FRRS1: variants seen among roughly 807,000 people sequenced by gnomAD.
FRRS1 encodes ferric reductase 1.
In FRRS1, 51 loss-of-function variants were observed where a neutral mutation model predicts 70.7. That is an observed-to-expected ratio of 0.72 (90% CI 0.58 to 0.91). The LOEUF (loss-of-function observed/expected upper bound fraction) is 0.91. FRRS1 is among the 40% of genes least tolerant of loss of function. FRRS1 has a pLI of 0.00. For synonymous variants in FRRS1, 225 were observed against 238.7 expected, an observed-to-expected ratio of 0.94 and a Z score of 0.53; for missense variants, 672 against 726.0, an observed-to-expected ratio of 0.93 and a Z score of 0.86.
In FRRS1 at chr1:99,717,406, C is replaced by G; in HGVS notation, c.1236+4G>C. 2 of 1,603,120 alleles carry G rather than the reference C, an allele frequency of 1.2e-6. No homozygotes were observed. Among genetic ancestry groups the G allele is most frequent in the Non-Finnish European group, 1.7e-6 (2 of 1,170,366 alleles). On this transcript the variant is annotated splice_donor_region_variant and intron_variant, in intron 11 of 16. Coordinates refer to ENST00000646001, the MANE Select transcript of FRRS1 (RefSeq NM_001361041.2). ...ATTGCATTGAACTTTTTTCCCTCACCTACCTGAAACCAAGCTGCTTCACCA... is the reference window on the plus strand; with the variant it reads ...ATTGCATTGAACTTTTTTCCCTCACGTACCTGAAACCAAGCTGCTTCACCA...
chr1:99,751,097 C>G (rs1018741509), intron 1 of FRRS1, among the ~76,000 whole-genome samples: 4 of 152,132 alleles, frequency 2.6e-5, no homozygotes, highest in Admixed American at 1.3e-4. Context: ...AATAAAAAAG[C>G]AGAGGAAGAG....
intron 1 of FRRS1, among the ~76,000 whole-genome samples, chr1:99,754,719 G>A (rs980852646): frequency 2.0e-5 from 3 of 152,186 alleles, no homozygotes; most frequent in African/African-American, 7.2e-5. Flanking sequence ...ATAAATTTAA[G>A]AGAATAAATT....
intron 9 of FRRS1, among the ~76,000 whole-genome samples, chr1:99,727,448 C>CA (rs1242261936): frequency 2.0e-5 from 3 of 151,562 alleles, no homozygotes; most frequent in Admixed American, 6.6e-5. Context: ...CTTCCTTCAG[C>CA]AAAAAAAATA....
At chr1:99,716,335 A>G (rs1206644789) in intron 11 of FRRS1, among the ~76,000 whole-genome samples, 3 of 152,212 alleles carry the variant, frequency 2.0e-5, no homozygotes, top group African/African-American at 7.2e-5. Flanking sequence ...AAACTATGAC[A>G]TGTATGTACA....
chr1:99,728,419 T>C, intron 9 of FRRS1, 74 bp downstream of exon 9: 1 of 1,324,340 alleles, frequency 7.6e-7, no homozygotes, highest in Non-Finnish European at 1.0e-6. Flanking sequence ...ACAGTAGTTT[T>C]TCCAAAAATG....
In FRRS1 at chr1:99,712,432, A is replaced by T. The variant is rs775152011; in HGVS notation, c.1407T>A (p.Pro469=). The change falls in exon 13 of 17, where the codon CCT becomes CCA. Residue 469 remains proline (P), a synonymous_variant. Transcript: ENST00000646001. ...LQPLLAVFRP[P]LHDPRRQMFN... ...GCTCTAAGTACCTTGGGTCATGTAA[A>T]GGTGGCCTGAAGACTGCCAGAAGAG... 25 of 1,609,634 alleles carry T rather than the reference A, an allele frequency of 1.6e-5. No individual in the cohort carries two copies. The South Asian group carries it at 2.3e-4, about 15-fold the overall frequency.
chr1:99,747,370 A>T lies in FRRS1; in HGVS notation c.257T>A (p.Leu86Gln). 1 of 1,613,698 alleles carries T rather than the reference A, an allele frequency of 6.2e-7. No individual in the cohort carries two copies. Among genetic ancestry groups the T allele is most frequent in the Non-Finnish European group, 8.5e-7 (1 of 1,179,588 alleles). ...GAAGGAGCCAATAGGAGGGCCATTC[A>T]GATCCTCAGCATTACGCGCTTCTAG... ...FLLEARNAED[L>Q]NGPPIGSFTL... The change falls in exon 4 of 17, where the codon CTG becomes CAG. Residue 86 changes from leucine (L) to glutamine (Q), a missense_variant. Leu to Gln is a moderately radical substitution (Grantham distance 113). Coordinates refer to ENST00000646001, the MANE Select transcript of FRRS1 (RefSeq NM_001361041.2).
At chr1:99,760,164 A>T (rs1311829496) in intron 1 of FRRS1, among the ~76,000 whole-genome samples, 1 of 152,248 alleles carries the variant, frequency 6.6e-6, no homozygotes, top group Non-Finnish European at 1.5e-5. Context: ...GCCTGAAAAC[A>T]GCAAGTTGTC....
intron 10 of FRRS1, among the ~76,000 whole-genome samples, chr1:99,718,762 A>G (rs1654660614): frequency 6.6e-6 from 1 of 152,206 alleles, no homozygotes; most frequent in Admixed American, 6.5e-5. Context: ...ATGCAACAAT[A>G]AAATTGTACC....
intron 6 of FRRS1, among the ~76,000 whole-genome samples, chr1:99,738,930 GA>G (rs901525669): frequency 4.6e-5 from 7 of 151,442 alleles, no homozygotes; most frequent in African/African-American, 1.2e-4. Flanking sequence ...AAGAGTCTTA[GA>G]AAAAAAAATC....
In FRRS1 at chr1:99,709,114, C is replaced by T. The variant is rs12145706; in HGVS notation, c.1693G>A (p.Ala565Thr). 89,053 of 1,610,748 alleles carry T rather than the reference C, an allele frequency of 0.055. 6,661 individuals carry two copies. Among genetic ancestry groups the T allele is most frequent in the African/African-American group, 0.36 (27,202 of 74,594 alleles). ...ATTGCCAACACTGCCTTTTTAAAAG[C>T]ATGACCCTGAAAGAAAAATTGAGAT... ...SFTAVETEGH[A>T]FKKAVLAIYV... Residue 565 changes from alanine to threonine, a missense_variant, in exon 17 of 17, where the codon GCT (alanine) becomes ACT (threonine). Ala to Thr is a moderately conservative substitution (Grantham distance 58). Transcript: ENST00000646001.
At chr1:99,752,654 T>A (rs1656629324) in intron 1 of FRRS1, among the ~76,000 whole-genome samples, 1 of 152,220 alleles carries the variant, frequency 6.6e-6, no homozygotes, top group African/African-American at 2.4e-5. Context: ...CTCACACCTG[T>A]AATCCCCGCA....
At chr1:99,739,164 C>T (rs1655828718) in intron 6 of FRRS1, among the ~76,000 whole-genome samples, 1 of 152,172 alleles carries the variant, frequency 6.6e-6, no homozygotes, top group Non-Finnish European at 1.5e-5. Context: ...CTCAGGATCC[C>T]TGAACCTTCA....
chr1:99,757,515 T>A (rs1011393593), intron 1 of FRRS1, among the ~76,000 whole-genome samples: 7 of 152,320 alleles, frequency 4.6e-5, no homozygotes, highest in South Asian at 2.1e-4. Context: ...ACAAAAAGTA[T>A]AAATATGGCA....
At chr1:99,732,542 C>A (rs951123) in intron 7 of FRRS1, among the ~76,000 whole-genome samples, 3 of 151,852 alleles carry the variant, frequency 2.0e-5, no homozygotes, top group Non-Finnish European at 4.4e-5. Context: ...ATTAAGCAGA[C>A]CTTAGAAGAT....
At position 99,752,967 on chromosome 1, in the gene FRRS1, C is replaced by A. The variant is rs572812141; in HGVS notation, c.-105-3966G>T. Among the ~76,000 whole-genome samples the A allele has an allele frequency of 1.5e-4, 22 of 151,042 alleles. 1 individual carries two copies. In the South Asian group the frequency reaches 4.4e-3, roughly 30 times the overall value. ...GAACCTCAACCCTATTATCCCAACA[C>A]TTTGAGAGGCTGAGGATGAAGGATC... On this transcript the variant is annotated intron_variant, in intron 1 of 16. Transcript: ENST00000646001.
intron 4 of FRRS1, among the ~76,000 whole-genome samples, chr1:99,744,865 G>C (rs897512162): frequency 1.3e-5 from 2 of 151,276 alleles, no homozygotes; most frequent in Non-Finnish European, 3.0e-5. Flanking sequence ...ACCTACTCGG[G>C]AGGCTGAGGC....
intron 7 of FRRS1, 66 bp from the exon 8 acceptor site, chr1:99,729,814 A>G: frequency 9.6e-7 from 1 of 1,039,972 alleles, no homozygotes; most frequent in Non-Finnish European, 1.5e-6. Flanking sequence ...TTCTCTTTTT[A>G]AAAAAGTACA....
chr1:99,723,366 A>C (rs963151661), intron 9 of FRRS1, among the ~76,000 whole-genome samples: 1 of 152,064 alleles, frequency 6.6e-6, no homozygotes, highest in Non-Finnish European at 1.5e-5. Flanking sequence ...AAATACAAAA[A>C]ATTAGCTGAG....
Sources: gnomAD v4.1 joint callset for allele counts (sites outside exome capture counted in the v4.1 genomes callset) on GRCh38, gnomAD v4.1.1 for gene constraint, MANE v1.5 for transcripts, NCBI Gene and HGNC (gene_info 2026-07-23, HGNC 2026-07-21) for gene names.